Variants in PPFIA2 observed in about 807,000 individuals in gnomAD.
PPFIA2 encodes PPFI scaffold protein A2.
Under a neutral mutation model 175.5 loss-of-function variants are expected in PPFIA2, and 46 were observed. The ratio of observed to expected loss-of-function variants is 0.26; its 90% CI spans 0.21 to 0.34. The LOEUF is 0.34. Ranked by LOEUF, PPFIA2 falls within the 10% of genes least tolerant of loss-of-function variation. PPFIA2 has a pLI of 1.00. For missense variants in PPFIA2, 1,179 were observed against 1,506.1 expected (o/e 0.78, Z 3.60); for synonymous variants, 568 against 511.4 (o/e 1.11, Z -1.49).
intron 4 of PPFIA2, among the ~76,000 whole-genome samples, chr12:81,573,012 TGA>T (rs143437420): frequency 9.4e-5 from 14 of 149,288 alleles, no homozygotes; most frequent in South Asian, 2.1e-4. Context: ...GTATTAATAT[TGA>T]GAGAGAGAGA....
chr12:81,341,344 G>A (rs2058033229), intron 19 of PPFIA2, 136 bp from the exon 20 acceptor site: 7 of 705,516 alleles, frequency 9.9e-6, no homozygotes, highest in South Asian at 2.7e-5. Flanking sequence ...GGGCATTTAA[G>A]TCTTACATAC....
At chr12:81,566,057 A>C (rs567074684) in intron 4 of PPFIA2, among the ~76,000 whole-genome samples, 6 of 152,314 alleles carry the variant, frequency 3.9e-5, no homozygotes, top group Non-Finnish European at 8.8e-5. Flanking sequence ...CAATGTATTC[A>C]AAACCACCCT....
At chr12:81,439,154 TCTCTCTCTCTCC>T (rs1259960323) in intron 7 of PPFIA2, among the ~76,000 whole-genome samples, 3 of 150,710 alleles carry the variant, frequency 2.0e-5, no homozygotes, top group African/African-American at 4.9e-5. Context: ...AACTTCTCTC[TCTCTCTCTCTCC>T]CTCTCTCTCT....
intron 4 of PPFIA2, among the ~76,000 whole-genome samples, chr12:81,509,897 A>T (rs965246867): frequency 6.6e-6 from 1 of 152,154 alleles, no homozygotes. Context: ...AATGTTTTTG[A>T]AAGTTCAGAA....
chr12:81,578,218 A>G (rs2073886387), intron 4 of PPFIA2, among the ~76,000 whole-genome samples: 1 of 151,690 alleles, frequency 6.6e-6, no homozygotes, highest in South Asian at 2.1e-4. Context: ...TTCAGAAGGC[A>G]CACACTGTCA....
chr12:81,505,881 C>T (rs1395149199), intron 4 of PPFIA2: 1 of 152,208 alleles, frequency 6.6e-6, no homozygotes, highest in Non-Finnish European at 1.5e-5. Context: ...GTTCCTGGTA[C>T]ATGCAGATGG....
chr12:81,575,357 G>T (rs74828562), intron 4 of PPFIA2, among the ~76,000 whole-genome samples: 1,573 of 151,864 alleles, frequency 0.01, 30 homozygotes, highest in African/African-American at 0.033. Context: ...CATTACTACT[G>T]CTGAACAGCC....
At position 81,385,528 on chromosome 12, in the gene PPFIA2, TAAG is replaced by T. The variant is rs569606652; in HGVS notation, c.763-1287_763-1285del. On this transcript the variant is annotated intron_variant, in intron 8 of 32. Coordinates refer to ENST00000549396, the MANE Select transcript of PPFIA2 (RefSeq NM_003625.5). ...ACACAATGAAATCCTATTCAGTTTC[TAAG>T]AAGAAGGAAATTCTGTCATTTGTGA... Among the ~76,000 whole-genome samples the T allele has an allele frequency of 5.8e-3, 890 of 152,286 alleles. 3 individuals carry two copies. The highest frequency in any genetic ancestry group is 0.01 in the Middle Eastern group (3 of 294).
At chr12:81,433,081 A>G (rs944179022) in intron 7 of PPFIA2, among the ~76,000 whole-genome samples, 1 of 151,962 alleles carries the variant, frequency 6.6e-6, no homozygotes, top group African/African-American at 2.4e-5. Flanking sequence ...CTCATTTCAG[A>G]AAGCATAAAA....
chr12:81,433,752 G>T (rs529529284), intron 7 of PPFIA2, among the ~76,000 whole-genome samples: 1 of 152,254 alleles, frequency 6.6e-6, no homozygotes, highest in African/African-American at 2.4e-5. Flanking sequence ...TATTGATCAA[G>T]AGGTTCATAT....
At chr12:81,573,923 T>G in intron 4 of PPFIA2, among the ~76,000 whole-genome samples, 1 of 151,878 alleles carries the variant, frequency 6.6e-6, no homozygotes, top group East Asian at 1.9e-4. Context: ...AAGAAACAAT[T>G]TGTAAACTGC....
intron 4 of PPFIA2, among the ~76,000 whole-genome samples, chr12:81,611,166 G>C (rs1305944296): frequency 1.3e-5 from 2 of 152,112 alleles, no homozygotes; most frequent in Non-Finnish European, 2.9e-5. Flanking sequence ...GCCCTCTACA[G>C]TCACCAGCGC....
intron 8 of PPFIA2, among the ~76,000 whole-genome samples, chr12:81,398,817 G>A (rs2041627501): frequency 6.6e-6 from 1 of 151,932 alleles, no homozygotes; most frequent in African/African-American, 2.4e-5. Context: ...GAGCGTCTCT[G>A]GAAACACTAC....
intron 4 of PPFIA2, among the ~76,000 whole-genome samples, chr12:81,630,024 AG>A (rs1419265452): frequency 6.6e-6 from 1 of 152,148 alleles, no homozygotes; most frequent in Non-Finnish European, 1.5e-5. Flanking sequence ...AGGGTGAGAG[AG>A]TGATTTGAAG....
At chr12:81,614,586 A>G (rs1297248934) in intron 4 of PPFIA2, among the ~76,000 whole-genome samples, 1 of 152,112 alleles carries the variant, frequency 6.6e-6, no homozygotes, top group East Asian at 1.9e-4. Flanking sequence ...AGGCCACCTT[A>G]TTTCTTACTC....
chr12:81,627,609 C>T (rs1251626201), intron 4 of PPFIA2, among the ~76,000 whole-genome samples: 4 of 152,124 alleles, frequency 2.6e-5, no homozygotes, highest in South Asian at 2.1e-4. Flanking sequence ...GCAATGTAGA[C>T]ATTAATTTGT....
chr12:81,739,843 A>T (rs568300374), intron 3 of PPFIA2, among the ~76,000 whole-genome samples: 1 of 152,206 alleles, frequency 6.6e-6, no homozygotes, highest in South Asian at 2.1e-4. Flanking sequence ...CAATATTAAC[A>T]TGGGCTTATA....
At chr12:81,595,356 C>T (rs1404826284) in intron 4 of PPFIA2, among the ~76,000 whole-genome samples, 1 of 151,442 alleles carries the variant, frequency 6.6e-6, no homozygotes, top group East Asian at 2.0e-4. Flanking sequence ...AAGAATACTG[C>T]AAATATTATT....
In PPFIA2 at chr12:81,759,291, C is replaced by G. The variant is rs376114694; in HGVS notation, c.-122G>C. ...CCGGAAGAACCAACCTGCTGGCAGCCGGTGAGGACGCTACAGCATCTTCTC... is the reference window on the plus strand; with the variant it reads ...CCGGAAGAACCAACCTGCTGGCAGCGGGTGAGGACGCTACAGCATCTTCTC... On this transcript the variant is annotated 5_prime_UTR_variant, in exon 1 of 33. Transcript: ENST00000549396. 2.0e-5 allele frequency: 3 copies of G among 151,732 alleles called. No individual in the cohort carries two copies. The highest frequency in any genetic ancestry group is 4.4e-5 in the Non-Finnish European group (3 of 68,046). The allele number at this position is 151,732 out of a possible 1,614,324, so 9.4% of individuals were successfully genotyped here.
Sources: gnomAD v4.1 joint callset for allele counts (sites outside exome capture counted in the v4.1 genomes callset) on GRCh38, gnomAD v4.1.1 for gene constraint, MANE v1.5 for transcripts, NCBI Gene and HGNC (gene_info 2026-07-23, HGNC 2026-07-21) for gene names.